LEPR: variants seen among roughly 807,000 people sequenced by gnomAD.
LEPR encodes leptin receptor, also known as OB receptor.
In LEPR, 56 loss-of-function variants were observed where a neutral mutation model predicts 114.7. The ratio of observed to expected loss-of-function variants is 0.49; its 90% CI spans 0.39 to 0.61. The LOEUF (loss-of-function observed/expected upper bound fraction) is 0.61, where lower values mean the gene tolerates loss of function less well. Among genes scored for constraint, LEPR ranks in the 20% least tolerant of loss-of-function variants. The pLI is 0.00. For missense variants in LEPR, 1,202 were observed against 1,352.9 expected (o/e 0.89, Z 1.75); for synonymous variants, 443 against 461.4 (o/e 0.96, Z 0.51).
chr1:65,457,128 A>G (rs1646887370), intron 2 of LEPR, among the ~76,000 whole-genome samples: 1 of 152,168 alleles, frequency 6.6e-6, no homozygotes, highest in South Asian at 2.1e-4. Flanking sequence ...CCCTTGTGTC[A>G]ATGCTGTTAT....
intron 10 of LEPR, among the ~76,000 whole-genome samples, chr1:65,603,512 T>A (rs1482634499): frequency 6.6e-6 from 1 of 152,216 alleles, no homozygotes; most frequent in East Asian, 1.9e-4. Context: ...ACTTCAGCTA[T>A]TTAAATATAG....
chr1:65,459,183 A>C (rs1394991123), intron 2 of LEPR, among the ~76,000 whole-genome samples: 1 of 152,206 alleles, frequency 6.6e-6, no homozygotes, highest in Non-Finnish European at 1.5e-5. Context: ...TATGTGACTC[A>C]GCACCCTTGG....
chr1:65,477,919 T>C (rs996851691), intron 2 of LEPR, among the ~76,000 whole-genome samples: 13 of 152,244 alleles, frequency 8.5e-5, no homozygotes, highest in African/African-American at 2.4e-4. Flanking sequence ...GTAGCTTTTA[T>C]AGTTACTTGG....
chr1:65,604,611 C>T (rs1053978663), intron 10 of LEPR, among the ~76,000 whole-genome samples: 4 of 152,176 alleles, frequency 2.6e-5, no homozygotes, highest in African/African-American at 4.8e-5. Context: ...GCCACCGCAC[C>T]GGGCCTTCTG....
chr1:65,445,350 T>C (rs1314597343), intron 2 of LEPR, among the ~76,000 whole-genome samples: 1 of 152,194 alleles, frequency 6.6e-6, no homozygotes, highest in Non-Finnish European at 1.5e-5. Flanking sequence ...AGTTTGTTTT[T>C]TGGTAAAAGG....
In LEPR at chr1:65,618,127, TAAG is replaced by T; in HGVS notation, c.2380_2382del (p.Lys794del). On this transcript the variant is annotated inframe_deletion, in exon 16 of 20. Coordinates refer to ENST00000349533, the MANE Select transcript of LEPR (RefSeq NM_002303.6). ...AATGGCTTAGAATCTCTTCATCTGT[TAAG>T]AAGTATTATATCCATGGTAAGTTTA... 2 of 1,608,034 alleles carry T rather than the reference TAAG, an allele frequency of 1.2e-6. No homozygotes were observed. The highest frequency in any genetic ancestry group is 1.7e-6 in the Non-Finnish European group (2 of 1,177,270).
intron 2 of LEPR, among the ~76,000 whole-genome samples, chr1:65,442,798 G>A (rs971406708): frequency 1.3e-5 from 2 of 152,186 alleles, no homozygotes; most frequent in Non-Finnish European, 2.9e-5. Flanking sequence ...TCAAATAACA[G>A]TGCCTGCAGA....
chr1:65,424,012 C>T (rs2101675451), intron 1 of LEPR, among the ~76,000 whole-genome samples: 1 of 152,280 alleles, frequency 6.6e-6, no homozygotes, highest in Middle Eastern at 3.4e-3. Context: ...TTCCATTTTA[C>T]AGGTGAGAAA....
intron 2 of LEPR, among the ~76,000 whole-genome samples, chr1:65,523,664 A>T (rs145678158): frequency 6.6e-5 from 10 of 152,310 alleles, no homozygotes; most frequent in African/African-American, 2.4e-4. Flanking sequence ...TAGTGCCAAT[A>T]CAATTTCAAA....
intron 19 of LEPR, among the ~76,000 whole-genome samples, chr1:65,626,585 T>C (rs747178870): frequency 6.9e-6 from 1 of 144,094 alleles, no homozygotes; most frequent in African/African-American, 2.6e-5. Flanking sequence ...AAAAATCTTC[T>C]AAAATTCATT....
At chr1:65,556,399 A>C (rs1652817044) in intron 2 of LEPR, among the ~76,000 whole-genome samples, 2 of 152,124 alleles carry the variant, frequency 1.3e-5, no homozygotes, top group African/African-American at 4.8e-5. Context: ...TGACTGGCTC[A>C]GTTCATGCAG....
At chr1:65,482,987 CAA>C (rs1190386900) in intron 2 of LEPR, among the ~76,000 whole-genome samples, 36 of 63,066 alleles carry the variant, frequency 5.7e-4, no homozygotes, top group African/African-American at 9.8e-4. Flanking sequence ...GACTCTGTCT[CAA>C]AAAAAAAAAA....
Position 65,620,003 on chromosome 1 carries a change from T to C in LEPR, c.2471T>C (p.Ile824Thr), listed in dbSNP as rs1388593399. 4.3e-6 allele frequency: 7 copies of C among 1,611,056 alleles called. No homozygotes were observed. The highest frequency in any genetic ancestry group is 5.9e-6 in the Non-Finnish European group (7 of 1,177,638). ...ATGGAAGGAGTGGGAAAACCAAAGATAATTAATAGTTTCACTCAAGGTAAA... is the reference window on the plus strand; with the variant it reads ...ATGGAAGGAGTGGGAAAACCAAAGACAATTAATAGTTTCACTCAAGGTAAA... Reference protein sequence around the residue: ...IFMEGVGKPKIINSFTQDDIE... With the variant: ...IFMEGVGKPKTINSFTQDDIE... The change falls in exon 17 of 20, where the codon ATA (isoleucine) becomes ACA (threonine). Residue 824 changes from isoleucine (I) to threonine (T), a missense_variant. Coordinates refer to ENST00000349533, the MANE Select transcript of LEPR (RefSeq NM_002303.6).
chr1:65,592,248 ATTTTTT>A (rs58700529), intron 5 of LEPR, among the ~76,000 whole-genome samples: 9 of 117,740 alleles, frequency 7.6e-5, no homozygotes, highest in Non-Finnish European at 1.2e-4. Context: ...ATCTGCTGTC[ATTTTTT>A]TTTTTTTTTT....
intron 2 of LEPR, among the ~76,000 whole-genome samples, chr1:65,471,936 G>A (rs1242314977): frequency 1.3e-5 from 2 of 152,096 alleles, no homozygotes; most frequent in Non-Finnish European, 2.9e-5. Context: ...TGTGTCAAGA[G>A]GAAGACTTCA....
At chr1:65,484,793 A>G (rs552738000) in intron 2 of LEPR, among the ~76,000 whole-genome samples, 4 of 152,222 alleles carry the variant, frequency 2.6e-5, no homozygotes, top group Non-Finnish European at 5.9e-5. Flanking sequence ...CAGAGCAAAC[A>G]TAGGTTATCA....
intron 2 of LEPR, chr1:65,433,021 A>G (rs1197652460): frequency 2.0e-6 from 2 of 985,426 alleles, no homozygotes; most frequent in Non-Finnish European, 2.4e-6. Flanking sequence ...TCTGAAAGAC[A>G]ATGCTGGGGG....
chr1:65,490,189 T>C (rs1181473317), intron 2 of LEPR, among the ~76,000 whole-genome samples: 2 of 152,068 alleles, frequency 1.3e-5, no homozygotes, highest in Non-Finnish European at 2.9e-5. Context: ...ACCTAGTAAA[T>C]ATCCAATAGG....
intron 2 of LEPR, among the ~76,000 whole-genome samples, chr1:65,534,928 G>C (rs1557645513): frequency 6.6e-6 from 1 of 152,178 alleles, no homozygotes; most frequent in African/African-American, 2.4e-5. Context: ...GTTTTTCTCA[G>C]AATTAATTAT....
Sources: gnomAD v4.1 joint callset for allele counts (sites outside exome capture counted in the v4.1 genomes callset) on GRCh38, gnomAD v4.1.1 for gene constraint, MANE v1.5 for transcripts, NCBI Gene and HGNC (gene_info 2026-07-23, HGNC 2026-07-21) for gene names.